SESN1: variants seen among roughly 807,000 people sequenced by gnomAD.
The protein encoded by SESN1 is sestrin-1.
Under a neutral mutation model 59.3 loss-of-function variants are expected in SESN1, and 30 were observed. The ratio of observed to expected loss-of-function variants is 0.51; its 90% CI spans 0.38 to 0.69. The LOEUF is 0.69. Ranked by LOEUF, SESN1 falls within the 30% of genes least tolerant of loss-of-function variation. The pLI is 0.00. For synonymous variants in SESN1, 197 were observed against 219.9 expected (o/e 0.90, Z 0.92); for missense variants, 566 against 673.0 (o/e 0.84, Z 1.76).
At chr6:109,021,179 A>C (rs974186657) in intron 1 of SESN1, among the ~76,000 whole-genome samples, 10 of 152,098 alleles carry the variant, frequency 6.6e-5, no homozygotes, top group Admixed American at 6.6e-5. Context: ...ATTTTTGTAC[A>C]GATGGGGTCT....
At chr6:109,045,579 T>C (rs1249645891) in intron 1 of SESN1, among the ~76,000 whole-genome samples, 3 of 152,238 alleles carry the variant, frequency 2.0e-5, no homozygotes, top group Non-Finnish European at 4.4e-5. Flanking sequence ...CTAATCTCTC[T>C]GACCAGAGCA....
At chr6:109,016,039 T>G (rs774607602) in intron 1 of SESN1, among the ~76,000 whole-genome samples, 49 of 152,202 alleles carry the variant, frequency 3.2e-4, no homozygotes, top group Non-Finnish European at 6.5e-4. Context: ...CCAAACCTAA[T>G]ATCTTTAACT....
intron 1 of SESN1, among the ~76,000 whole-genome samples, chr6:109,048,647 A>C (rs1780491451): frequency 6.6e-6 from 1 of 152,102 alleles, no homozygotes; most frequent in Non-Finnish European, 1.5e-5. Context: ...CAAGTAGGAG[A>C]ATTTTTTTTA....
chr6:109,077,982 A>G (rs1781058476), intron 1 of SESN1, among the ~76,000 whole-genome samples: 1 of 152,184 alleles, frequency 6.6e-6, no homozygotes, highest in African/African-American at 2.4e-5. Flanking sequence ...GAAAAATTTA[A>G]ATCACCAATA....
In SESN1 at chr6:108,988,527, C is replaced by A; in HGVS notation, c.1569+16G>T. On this transcript the variant is annotated intron_variant, in intron 9 of 9. Transcript: ENST00000436639. The stretch of plus-strand genomic sequence containing the variant: ...TTGCTAAGTTACAAAGTAAATAAGC[C>A]ACAATAGGCACATACCTTCTCAGAG... 1 of 1,584,982 alleles carries A rather than the reference C, an allele frequency of 6.3e-7. No homozygotes were observed.
rs1188574196 is a variant in SESN1 at position 109,066,749 on chromosome 6, T to C, written c.279+27046A>G. Among the ~76,000 whole-genome samples, 3 of 152,088 alleles carry C rather than the reference T, an allele frequency of 2.0e-5. No individual in the cohort carries two copies. The East Asian group carries it at 5.8e-4, about 29-fold the overall frequency. On this transcript the variant is annotated intron_variant, in intron 1 of 9. Transcript: ENST00000436639. ...GATATTATTTTTAAAAGAGAAGAAA[T>C]AATGACCATCCCAAAAAGAAACATG... is the stretch of plus-strand genomic sequence containing the variant.
intron 1 of SESN1, among the ~76,000 whole-genome samples, chr6:109,037,920 T>C (rs1284946294): frequency 6.6e-6 from 1 of 152,230 alleles, no homozygotes; most frequent in African/African-American, 2.4e-5. Flanking sequence ...ATAAGCTGAC[T>C]AATTCCATTA....
rs1780744128 is a variant in SESN1 at position 109,062,143 on chromosome 6, G to C, written c.279+31652C>G. Reference sequence around the variant, plus strand: ...AGTCTCAAGCCATCCTCCTGCCTCAGCCTCCCAGGTAGCTGGGACTACAGG... The same window carrying C: ...AGTCTCAAGCCATCCTCCTGCCTCACCCTCCCAGGTAGCTGGGACTACAGG... On this transcript the variant is annotated intron_variant, in intron 1 of 9. Coordinates refer to ENST00000436639, the MANE Select transcript of SESN1 (RefSeq NM_014454.3). 2.6e-5 allele frequency among the ~76,000 whole-genome samples: 4 copies of C among 152,288 alleles called. No individual in the cohort carries two copies. The South Asian group carries it at 6.2e-4, about 24-fold the overall frequency.
At chr6:109,080,307 G>T (rs1781100806) in intron 1 of SESN1, among the ~76,000 whole-genome samples, 2 of 152,238 alleles carry the variant, frequency 1.3e-5, no homozygotes, top group South Asian at 2.1e-4. Flanking sequence ...CTAATCTTGA[G>T]TCTATTGCTC....
Position 108,987,613 on chromosome 6 carries a change from A to C in SESN1, c.1587T>G (p.Leu529=), listed in dbSNP as rs754511291. 3 of 1,592,628 alleles carry C rather than the reference A, an allele frequency of 1.9e-6. No individual in the cohort carries two copies. In the Admixed American group the frequency reaches 5.0e-5, roughly 27 times the overall value. Reference sequence around the variant, plus strand: ...CTGCTTGCATCCTAGCTTCTATAAGAAGCAGATTAACATGAACCTGAATAT... The same window carrying C: ...CTGCTTGCATCCTAGCTTCTATAAGCAGCAGATTAACATGAACCTGAATAT... ...KHSEKVHVNL[L]LIEARMQAEL... Residue 529 remains leucine (L), a synonymous_variant, in exon 10 of 10, where the codon CTT becomes CTG. Transcript: ENST00000436639.
Position 109,000,633 on chromosome 6 carries a change from T to C in SESN1, c.587A>G (p.His196Arg), listed in dbSNP as rs375028635. ...ACCAACATGAAGGAAATCATTTACA[T>C]GCAGGTTCACTAAGTAGGAGCACTG... The part of the protein sequence containing the change: ...RHQCSYLVNL[H>R]VNDFLHVGGD... Residue 196 changes from histidine to arginine, a missense_variant, in exon 4 of 10, where the codon CAT becomes CGT. His to Arg is a conservative substitution (Grantham distance 29). Transcript: ENST00000436639. 4.7e-5 allele frequency: 75 copies of C among 1,610,598 alleles called. No homozygotes were observed. The highest frequency in any genetic ancestry group is 6.0e-5 in the Non-Finnish European group (71 of 1,178,204).
chr6:109,068,989 T>G (rs1041591999), intron 1 of SESN1, among the ~76,000 whole-genome samples: 6 of 152,112 alleles, frequency 3.9e-5, no homozygotes. Context: ...CCCAAAGTGC[T>G]GGGATTACAG....
At chr6:109,026,760 C>T (rs2114383517) in intron 1 of SESN1, among the ~76,000 whole-genome samples, 1 of 152,308 alleles carries the variant, frequency 6.6e-6, no homozygotes, top group Non-Finnish European at 1.5e-5. Context: ...GCCTCAGCCT[C>T]CCAAAGTGCT....
chr6:109,032,236 C>A (rs1375833515), intron 1 of SESN1, among the ~76,000 whole-genome samples: 1 of 152,048 alleles, frequency 6.6e-6, no homozygotes, highest in Non-Finnish European at 1.5e-5. Flanking sequence ...AATGCCATTG[C>A]ACTCCAGCCT....
At chr6:109,013,172 G>A (rs1314892608) in intron 1 of SESN1, among the ~76,000 whole-genome samples, 1 of 152,136 alleles carries the variant, frequency 6.6e-6, no homozygotes, top group African/African-American at 2.4e-5. Flanking sequence ...TCATTCTTAA[G>A]GGTACTGTGG....
intron 1 of SESN1, among the ~76,000 whole-genome samples, chr6:109,073,091 T>C (rs968961007): frequency 2.0e-5 from 3 of 152,150 alleles, no homozygotes; most frequent in Admixed American, 6.6e-5. Flanking sequence ...ATGTCTGAGT[T>C]TGAATCCTTG....
intron 7 of SESN1, among the ~76,000 whole-genome samples, chr6:108,992,541 A>G (rs1779407758): frequency 6.6e-6 from 1 of 152,220 alleles, no homozygotes; most frequent in Non-Finnish European, 1.5e-5. Context: ...GTATCAACTC[A>G]TCTGAATTAA....
chr6:109,050,940 A>G (rs898807395), intron 1 of SESN1, among the ~76,000 whole-genome samples: 11 of 152,214 alleles, frequency 7.2e-5, no homozygotes, highest in Admixed American at 2.0e-4. Context: ...AGCCACCTCC[A>G]TAGAAATAAT....
At chr6:109,000,459 T>C (rs777925313) in intron 4 of SESN1, 32 bp downstream of exon 4, 8 of 1,411,840 alleles carry the variant, frequency 5.7e-6, no homozygotes, top group Non-Finnish European at 7.5e-6. Flanking sequence ...AAGTCTGAAA[T>C]GACTCCCAAG....
Sources: gnomAD v4.1 joint callset for allele counts (sites outside exome capture counted in the v4.1 genomes callset) on GRCh38, gnomAD v4.1.1 for gene constraint, MANE v1.5 for transcripts, NCBI Gene and HGNC (gene_info 2026-07-23, HGNC 2026-07-21) for gene names.